Variants in MARCHF8 observed in about 807,000 individuals in gnomAD.
MARCHF8 encodes membrane associated ring-CH-type finger 8, also known as E3 ubiquitin-protein ligase MARCHF8.
A neutral mutation model predicts 51.6 loss-of-function variants in MARCHF8; 40 were observed. The ratio of observed to expected loss-of-function variants is 0.77; its 90% confidence interval spans 0.60 to 1.01. The LOEUF is 1.01. Among genes scored for constraint, MARCHF8 ranks in the 50% least tolerant of loss-of-function variants. The pLI is 0.00. For synonymous variants in MARCHF8, 263 were observed against 280.3 expected (o/e 0.94, Z 0.62); for missense variants, 685 against 708.6 (o/e 0.97, Z 0.38).
chr10:45,502,747 G>A (rs2133150395), intron 2 of MARCHF8, among the ~76,000 whole-genome samples: 1 of 152,156 alleles, frequency 6.6e-6, no homozygotes, highest in East Asian at 1.9e-4. Context: ...CAGACAAAGA[G>A]TAACAACAAG....
intron 1 of MARCHF8, chr10:45,593,566 T>C (rs1034218955): frequency 6.6e-6 from 1 of 152,226 alleles, no homozygotes; most frequent in Non-Finnish European, 1.5e-5. Flanking sequence ...TTTTCAGATA[T>C]GTCCTAACCC....
chr10:45,586,355 T>C (rs1589197046), intron 1 of MARCHF8, among the ~76,000 whole-genome samples: 1 of 152,198 alleles, frequency 6.6e-6, no homozygotes. Flanking sequence ...CATAATGTTT[T>C]TAATTTCATA....
At chr10:45,543,983 G>A (rs1018609257) in intron 1 of MARCHF8, among the ~76,000 whole-genome samples, 7 of 151,926 alleles carry the variant, frequency 4.6e-5, no homozygotes, top group African/African-American at 9.7e-5. Flanking sequence ...CAAGAGGGTC[G>A]TTTGAGCCCA....
At chr10:45,481,379 AGGAC>A (rs1441124170) in intron 3 of MARCHF8, among the ~76,000 whole-genome samples, 1 of 152,160 alleles carries the variant, frequency 6.6e-6, no homozygotes, top group Non-Finnish European at 1.5e-5. Context: ...TTGAAATGTG[AGGAC>A]ATGAGATTTG....
At chr10:45,509,188 C>T (rs1324877901) in intron 2 of MARCHF8, among the ~76,000 whole-genome samples, 3 of 152,096 alleles carry the variant, frequency 2.0e-5, no homozygotes, top group African/African-American at 7.2e-5. Context: ...ATGAGGAAGC[C>T]GATGGGTTGA....
At chr10:45,483,489 G>A (rs2042926364) in intron 3 of MARCHF8, among the ~76,000 whole-genome samples, 1 of 152,168 alleles carries the variant, frequency 6.6e-6, no homozygotes, top group Non-Finnish European at 1.5e-5. Context: ...AGTACAACCA[G>A]TATGAAAAAT....
intron 2 of MARCHF8, among the ~76,000 whole-genome samples, chr10:45,505,123 T>C (rs1013996851): frequency 6.6e-6 from 1 of 152,238 alleles, no homozygotes; most frequent in Non-Finnish European, 1.5e-5. Flanking sequence ...GAAAGAAGGA[T>C]TGCCTACTTC....
At chr10:45,507,758 A>G (rs1436842663) in intron 2 of MARCHF8, among the ~76,000 whole-genome samples, 1 of 152,090 alleles carries the variant, frequency 6.6e-6, no homozygotes, top group Non-Finnish European at 1.5e-5. Context: ...AAAGTTGTAG[A>G]AGATTTGAGA....
At chr10:45,462,429 T>TG (rs1842818014) in intron 5 of MARCHF8, among the ~76,000 whole-genome samples, 1 of 152,056 alleles carries the variant, frequency 6.6e-6, no homozygotes, top group African/African-American at 2.4e-5. Context: ...ACACACCTTT[T>TG]GGGGGTAGGT....
intron 2 of MARCHF8, among the ~76,000 whole-genome samples, chr10:45,526,375 T>C (rs1297135918): frequency 2.0e-5 from 3 of 152,166 alleles, no homozygotes. Flanking sequence ...ATTCCCACCA[T>C]GGACTTTTGC....
chr10:45,456,573 G>A lies in MARCHF8; in HGVS notation c.*1666C>T, dbSNP rs984973847. The stretch of plus-strand genomic sequence containing the variant: ...AAGGCAAAGGAATCACCTCGTGTTT[G>A]CTTCATCCCCTTAGCAGGATGAACG... On this transcript the variant is annotated 3_prime_UTR_variant, in exon 8 of 8. Coordinates refer to ENST00000453424, the MANE Select transcript of MARCHF8 (RefSeq NM_001282866.2). The A allele has an allele frequency of 2.0e-5, 3 of 152,166 alleles. No individual in the cohort carries two copies. The highest frequency in any genetic ancestry group is 6.5e-5 in the Admixed American group (1 of 15,284). The allele number at this position is 152,166 out of a possible 1,614,324, so 9.4% of individuals were successfully genotyped here. A position where few individuals can be genotyped will look rare whatever the true frequency, so the allele number is the denominator to read the frequency against.
intron 2 of MARCHF8, among the ~76,000 whole-genome samples, chr10:45,500,538 C>T (rs934300401): frequency 2.6e-5 from 4 of 152,078 alleles, no homozygotes. Context: ...AGACTTTCGC[C>T]AATGACTATA....
intron 5 of MARCHF8, 147 bp downstream of exon 5, chr10:45,463,004 T>C (rs1842842703): frequency 1.5e-5 from 15 of 1,011,644 alleles, no homozygotes; most frequent in Non-Finnish European, 2.0e-5. Flanking sequence ...ACGATATTGA[T>C]ACTCCATTCT....
At chr10:45,490,339 TGACTCTAATCCTAGTG>T (rs568746470) in intron 2 of MARCHF8, among the ~76,000 whole-genome samples, 20 of 152,304 alleles carry the variant, frequency 1.3e-4, no homozygotes, top group African/African-American at 4.6e-4. Flanking sequence ...ACTCAGGAGG[TGACTCTAATCCTAGTG>T]GACTCTAATC....
chr10:45,557,446 T>C (rs2133356208), intron 1 of MARCHF8, among the ~76,000 whole-genome samples: 1 of 152,152 alleles, frequency 6.6e-6, no homozygotes, highest in East Asian at 1.9e-4. Context: ...TGCTTATTCT[T>C]AATACTTCCT....
In MARCHF8 at chr10:45,533,241, C is replaced by A. The variant is rs1397156649; in HGVS notation, c.-30G>T. ...ACCTCTTATCTGGTCGTCTTCTTCA[C>A]AGAAGAGAGTCTCCACTGGTAGAGT... On this transcript the variant is annotated 5_prime_UTR_variant, in exon 2 of 8. Transcript: ENST00000453424. 1.3e-6 allele frequency: 2 copies of A among 1,587,084 alleles called. No individual in the cohort carries two copies. Among genetic ancestry groups the A allele is most frequent in the Non-Finnish European group, 1.7e-6 (2 of 1,171,416 alleles).
At chr10:45,563,932 GT>G in intron 1 of MARCHF8, among the ~76,000 whole-genome samples, 1 of 152,292 alleles carries the variant, frequency 6.6e-6, no homozygotes, top group East Asian at 1.9e-4. Flanking sequence ...GTAAGAGAAA[GT>G]TGACAACACA....
intron 1 of MARCHF8, among the ~76,000 whole-genome samples, chr10:45,592,478 C>A (rs1047061381): frequency 6.6e-6 from 1 of 152,092 alleles, no homozygotes; most frequent in Non-Finnish European, 1.5e-5. Context: ...GGGGAAAAAG[C>A]ACATACCATT....
intron 1 of MARCHF8, among the ~76,000 whole-genome samples, chr10:45,572,178 C>CT (rs1478341597): frequency 1.5e-5 from 2 of 137,336 alleles, no homozygotes; most frequent in African/African-American, 5.4e-5. Flanking sequence ...CCCCTTCTCT[C>CT]TGTGTCCCCA....
Sources: gnomAD v4.1 joint callset for allele counts (sites outside exome capture counted in the v4.1 genomes callset) on GRCh38, gnomAD v4.1.1 for gene constraint, MANE v1.5 for transcripts, NCBI Gene and HGNC (gene_info 2026-07-23, HGNC 2026-07-21) for gene names.